The following VPS26C variants were observed in gnomAD, a reference collection of about 807,000 sequenced individuals.
The protein encoded by VPS26C is VPS26 endosomal protein sorting factor C.
In VPS26C, 19 loss-of-function variants were observed where a neutral mutation model predicts 30.6. The ratio of observed to expected loss-of-function variants is 0.62; its 90% confidence interval spans 0.43 to 0.91. The LOEUF (loss-of-function observed/expected upper bound fraction) is 0.91. Among genes scored for constraint, VPS26C ranks in the 40% least tolerant of loss-of-function variants. The probability of loss-of-function intolerance (pLI) is 0.00; values close to 1 mark genes in which losing one functional copy is unlikely to be tolerated. For missense variants in VPS26C, 318 were observed against 385.1 expected, an observed-to-expected ratio of 0.83 and a Z score of 1.46; for synonymous variants, 132 against 151.5, an observed-to-expected ratio of 0.87 and a Z score of 0.95.
chr21:37,254,742 A>C (rs900643520), intron 1 of VPS26C, among the ~76,000 whole-genome samples: 1 of 151,912 alleles, frequency 6.6e-6, no homozygotes, highest in African/African-American at 2.4e-5. Flanking sequence ...ACCAGGAGGC[A>C]GAGGCTGCAG....
chr21:37,235,347 T>G (rs766742186), intron 3 of VPS26C, among the ~76,000 whole-genome samples: 4 of 152,104 alleles, frequency 2.6e-5, no homozygotes, highest in Non-Finnish European at 4.4e-5. Flanking sequence ...TTGGCCAGGC[T>G]GGTCTCGAAC....
chr21:37,252,877 A>G (rs2148302424), intron 1 of VPS26C, among the ~76,000 whole-genome samples: 1 of 152,316 alleles, frequency 6.6e-6, no homozygotes, highest in Middle Eastern at 3.4e-3. Context: ...TTCTGGAAAA[A>G]GCAAACTATA....
At chr21:37,246,964 C>G (rs147970598) in intron 1 of VPS26C, among the ~76,000 whole-genome samples, 59 of 152,234 alleles carry the variant, frequency 3.9e-4, no homozygotes, top group African/African-American at 1.3e-3. Flanking sequence ...TGCTGTGTTG[C>G]CCAGGCTAGT....
chr21:37,253,778 C>T (rs1284930802), intron 1 of VPS26C, among the ~76,000 whole-genome samples: 1 of 152,264 alleles, frequency 6.6e-6, no homozygotes, highest in East Asian at 1.9e-4. Flanking sequence ...AAGTCCAAAG[C>T]TTTCTGGGCA....
chr21:37,237,464 T>TA (rs1402916259), intron 3 of VPS26C: 3 of 152,236 alleles, frequency 2.0e-5, no homozygotes, highest in Non-Finnish European at 4.4e-5. Context: ...CCCACCCACA[T>TA]ACCAGCAATT....
At chr21:37,267,059 C>T (rs1316194657) in intron 1 of VPS26C, 179 bp downstream of exon 1, 2 of 661,878 alleles carry the variant, frequency 3.0e-6, no homozygotes, top group East Asian at 5.7e-5. Flanking sequence ...GCCAGCCTCG[C>T]GCGGGAAGCA....
At chr21:37,266,013 G>A (rs1252551914) in intron 1 of VPS26C, among the ~76,000 whole-genome samples, 3 of 148,326 alleles carry the variant, frequency 2.0e-5, no homozygotes, top group African/African-American at 7.5e-5. Context: ...CGCCTCCCGG[G>A]TTCCAGCGAT....
At chr21:37,256,388 T>A (rs1325262955) in intron 1 of VPS26C, among the ~76,000 whole-genome samples, 2 of 152,250 alleles carry the variant, frequency 1.3e-5, no homozygotes, top group South Asian at 2.1e-4. Context: ...AGAACAGCTC[T>A]GCTTTTATCT....
rs2085900587 is a variant in VPS26C at position 37,226,460 on chromosome 21, C to T, written c.812-834G>A. The T allele has an allele frequency of 1.3e-5, 2 of 152,366 alleles. No individual in the cohort carries two copies. Among genetic ancestry groups the T allele is most frequent in the South Asian group, 4.1e-4 (2 of 4,830 alleles). 9.4% of individuals were successfully genotyped at this position (152,366 alleles called of 1,614,324 possible). On this transcript the variant is annotated intron_variant, in intron 7 of 7. Coordinates refer to ENST00000309117, the MANE Select transcript of VPS26C (RefSeq NM_006052.2). The surrounding 1 kb of genome is among the most constrained non-coding windows in gnomAD (Gnocchi z 4.1). ...GGCCACCAGCAGTGGCCGGCCTGTCCTTCCTCACTTTATTGTCACTACATT... is the reference window on the plus strand; with the variant it reads ...GGCCACCAGCAGTGGCCGGCCTGTCTTTCCTCACTTTATTGTCACTACATT...
chr21:37,231,080 C>T (rs1479657772), intron 5 of VPS26C, among the ~76,000 whole-genome samples: 1 of 152,200 alleles, frequency 6.6e-6, no homozygotes, highest in African/African-American at 2.4e-5. Flanking sequence ...TGCTGAGGAC[C>T]AGGAGAACAG....
chr21:37,267,694 C>T (rs989494434), upstream of VPS26C: 74 of 273,298 alleles, frequency 2.7e-4, 1 homozygote, highest in Non-Finnish European at 5.1e-4. Flanking sequence ...GCCTGTCTGT[C>T]GGTTGCAGCC....
At chr21:37,243,266 AGGCCTTCAACTGGG>A (rs978928666) in intron 1 of VPS26C, among the ~76,000 whole-genome samples, 3 of 152,166 alleles carry the variant, frequency 2.0e-5, no homozygotes, top group Non-Finnish European at 4.4e-5. Flanking sequence ...TCACAAGCAG[AGGCCTTCAACTGGG>A]GGCCGTGACT....
At position 37,238,577 on chromosome 21, in the gene VPS26C, CA is replaced by C; in HGVS notation, c.233del (p.Met78ArgfsTer2). On this transcript the variant is annotated frameshift_variant, in exon 3 of 8. Transcript: ENST00000309117. LOFTEE classifies it high-confidence loss of function. ...CGCTGGGAAATTTCCCCGGCTTCAC[CA>C]TTTCTATGGTGCTGTTGATAATCTG... ...PIQIINSTIE[M>X]VKPGKFPSGK... The C allele has an allele frequency of 6.2e-7, 1 of 1,614,160 alleles. No individual in the cohort carries two copies. Among genetic ancestry groups the C allele is most frequent in the East Asian group, 2.2e-5 (1 of 44,880 alleles).
intron 3 of VPS26C, among the ~76,000 whole-genome samples, chr21:37,235,083 T>C (rs1473139379): frequency 6.6e-6 from 1 of 152,044 alleles, no homozygotes; most frequent in Non-Finnish European, 1.5e-5. Flanking sequence ...CTCGGCTCAC[T>C]GCAAACTCTG....
At chr21:37,256,132 G>A (rs537726951) in intron 1 of VPS26C, among the ~76,000 whole-genome samples, 10 of 152,244 alleles carry the variant, frequency 6.6e-5, no homozygotes, top group Admixed American at 3.3e-4. Flanking sequence ...CACCGTGCCC[G>A]GCCCTAGGCA....
At chr21:37,247,428 T>G (rs1349164105) in intron 1 of VPS26C, among the ~76,000 whole-genome samples, 5 of 152,108 alleles carry the variant, frequency 3.3e-5, no homozygotes, top group Non-Finnish European at 7.4e-5. Flanking sequence ...ATGTGAAGAT[T>G]CAGGTACAAT....
Position 37,225,486 on chromosome 21 carries a change from G to T in VPS26C, c.*58C>A, listed in dbSNP as rs1274826509. The T allele has an allele frequency of 2.7e-6, 4 of 1,471,884 alleles. No homozygotes were observed. The highest frequency in any genetic ancestry group is 3.4e-5 in the Admixed American group (2 of 59,674). 91.2% of individuals were successfully genotyped at this position (1,471,884 alleles called of 1,614,324 possible). On this transcript the variant is annotated 3_prime_UTR_variant, in exon 8 of 8. Transcript: ENST00000309117. ...TGGCTGTAGCTCCCCTTAGGATTTG[G>T]ATAACCAGCTGGATTTCCAGATGGC... is the stretch of plus-strand genomic sequence containing the variant.
chr21:37,263,516 G>A (rs781466760), intron 1 of VPS26C, among the ~76,000 whole-genome samples: 1 of 152,102 alleles, frequency 6.6e-6, no homozygotes, highest in African/African-American at 2.4e-5. Flanking sequence ...TTGTCTAGTT[G>A]GGTTATGAAA....
chr21:37,232,330 G>A (rs375902509), intron 5 of VPS26C, 47 bp downstream of exon 5: 51 of 1,551,200 alleles, frequency 3.3e-5, no homozygotes, highest in South Asian at 1.0e-4. Context: ...GTGGGGTCTG[G>A]CTGCTGGGAA....
Sources: allele counts gnomAD v4.1 joint callset (sites outside exome capture counted in the v4.1 genomes callset), GRCh38; gene constraint gnomAD v4.1.1; non-coding constraint Gnocchi (gnomAD v3.1); transcripts MANE v1.5; gene names NCBI Gene and HGNC (gene_info 2026-07-23, HGNC 2026-07-21).